Variants in PDE1A observed in about 807,000 individuals in gnomAD.
PDE1A encodes dual specificity calcium/calmodulin-dependent 3',5'-cyclic nucleotide phosphodiesterase 1A.
A neutral mutation model predicts 61.7 loss-of-function variants in PDE1A; 35 were observed. That is an observed-to-expected ratio of 0.57 (90% CI 0.43 to 0.75). The LOEUF (loss-of-function observed/expected upper bound fraction) is 0.75. PDE1A is among the 30% of genes least tolerant of loss of function. The probability of loss-of-function intolerance (pLI) is 0.00; values close to 1 mark genes in which losing one functional copy is unlikely to be tolerated. For missense variants in PDE1A, 597 were observed against 630.6 expected (o/e 0.95, Z 0.57); for synonymous variants, 232 against 213.2 (o/e 1.09, Z -0.77).
chr2:182,548,929 G>T, the PDE1A span, among the ~76,000 whole-genome samples: 1 of 152,176 alleles, frequency 6.6e-6, no homozygotes, highest in Non-Finnish European at 1.5e-5. Context: ...ATCACAATTT[G>T]TAAGACTAAC....
chr2:182,598,147 G>T, the PDE1A span, among the ~76,000 whole-genome samples: 1 of 152,174 alleles, frequency 6.6e-6, no homozygotes, highest in Non-Finnish European at 1.5e-5. Flanking sequence ...CAGAAACATA[G>T]CCCAGAAATT....
intron 13 of PDE1A, among the ~76,000 whole-genome samples, chr2:182,148,045 G>C (rs1048500208): frequency 6.6e-6 from 1 of 152,104 alleles, no homozygotes; most frequent in East Asian, 1.9e-4. Context: ...TTGTCTTTAC[G>C]ATATGGAGGG....
chr2:182,504,213 C>T (rs1488346258), intron 2 of PDE1A, among the ~76,000 whole-genome samples: 1 of 152,110 alleles, frequency 6.6e-6, no homozygotes, highest in Non-Finnish European at 1.5e-5. Flanking sequence ...TCATTCTTTG[C>T]TTTTACTGTG....
At chr2:182,694,415 G>A in the PDE1A span, among the ~76,000 whole-genome samples, 1 of 152,118 alleles carries the variant, frequency 6.6e-6, no homozygotes, top group African/African-American at 2.4e-5. Context: ...GTGAGTTTGC[G>A]CTGCACTTGA....
intron 2 of PDE1A, among the ~76,000 whole-genome samples, chr2:182,498,554 A>T (rs1688864647): frequency 6.6e-6 from 1 of 152,144 alleles, no homozygotes; most frequent in Non-Finnish European, 1.5e-5. Flanking sequence ...TTATCAAATT[A>T]AAAAAATGAA....
intron 7 of PDE1A, among the ~76,000 whole-genome samples, chr2:182,208,314 C>T (rs541630871): frequency 6.6e-6 from 1 of 152,154 alleles, no homozygotes; most frequent in East Asian, 1.9e-4. Context: ...TGATGGAAGG[C>T]AAAGGGGGAA....
At chr2:182,313,038 T>G (rs1454039353) in intron 1 of PDE1A, among the ~76,000 whole-genome samples, 1 of 152,226 alleles carries the variant, frequency 6.6e-6, no homozygotes, top group Non-Finnish European at 1.5e-5. Flanking sequence ...ACTCTAAAAA[T>G]TTTCAGAATA....
chr2:182,241,766 A>G (rs1690530742), intron 2 of PDE1A: 1 of 1,324,234 alleles, frequency 7.6e-7, no homozygotes, highest in African/African-American at 1.5e-5. Flanking sequence ...GATAAAAAAT[A>G]TTTAGAGTTG....
intron 3 of PDE1A, among the ~76,000 whole-genome samples, chr2:182,238,404 AT>A (rs1251597956): frequency 1.3e-5 from 2 of 152,086 alleles, no homozygotes; most frequent in African/African-American, 4.8e-5. Flanking sequence ...TTACTGTCGT[AT>A]TTCTGAAGGC....
the PDE1A span, among the ~76,000 whole-genome samples, chr2:182,652,716 C>T: frequency 6.6e-6 from 1 of 152,166 alleles, no homozygotes; most frequent in Non-Finnish European, 1.5e-5. Context: ...TCATATACAA[C>T]AGTTACAGGT....
chr2:182,393,643 T>C (rs957134181), intron 1 of PDE1A, among the ~76,000 whole-genome samples: 1 of 152,192 alleles, frequency 6.6e-6, no homozygotes, highest in Non-Finnish European at 1.5e-5. Flanking sequence ...CATATTTTTG[T>C]GAATAAAAAA....
chr2:182,235,212 G>A (rs532170522), intron 3 of PDE1A, among the ~76,000 whole-genome samples: 189 of 152,248 alleles, frequency 1.2e-3, no homozygotes, highest in Non-Finnish European at 1.9e-3. Flanking sequence ...GGTGTGATCT[G>A]TGCTCAATGC....
intron 2 of PDE1A, among the ~76,000 whole-genome samples, chr2:182,242,889 T>A (rs909968444): frequency 7.6e-6 from 1 of 132,252 alleles, no homozygotes; most frequent in East Asian, 2.2e-4. Flanking sequence ...CCTCCCTCTC[T>A]CTCTCTCTCC....
chr2:182,367,711 C>T (rs1416116098), intron 1 of PDE1A, among the ~76,000 whole-genome samples: 2 of 152,008 alleles, frequency 1.3e-5, no homozygotes, highest in Non-Finnish European at 2.9e-5. Context: ...GTACCTAATA[C>T]TTTAAAAAAT....
At chr2:182,609,102 G>A in the PDE1A span, among the ~76,000 whole-genome samples, 174 of 152,226 alleles carry the variant, frequency 1.1e-3, 1 homozygote, top group African/African-American at 3.8e-3. Flanking sequence ...CTAGCTCAAG[G>A]TTTGTAAATG....
intron 13 of PDE1A, among the ~76,000 whole-genome samples, chr2:182,155,037 T>A (rs1280776884): frequency 2.0e-5 from 3 of 150,906 alleles, no homozygotes; most frequent in Non-Finnish European, 4.4e-5. Context: ...CTTTTTTTTT[T>A]AATGGGCCCA....
the PDE1A span, among the ~76,000 whole-genome samples, chr2:182,657,460 A>G: frequency 6.6e-6 from 1 of 152,196 alleles, no homozygotes; most frequent in Non-Finnish European, 1.5e-5. Context: ...TATATAAAAA[A>G]TACTTGCCAG....
intron 13 of PDE1A, among the ~76,000 whole-genome samples, chr2:182,150,381 G>A (rs562331360): frequency 7.9e-5 from 12 of 152,200 alleles, no homozygotes; most frequent in Admixed American, 1.3e-4. Flanking sequence ...AAGTCAAGAC[G>A]GTTGGCTTTT....
Position 182,246,401 on chromosome 2 carries a change from C to CTTTTTTTTTTTTTTTTTTT in PDE1A, c.168-6110_168-6109insAAAAAAAAAAAAAAAAAAA, listed in dbSNP as rs761118177. Among the ~76,000 whole-genome samples, 6 of 61,514 alleles carry CTTTTTTTTTTTTTTTTTTT rather than the reference C, an allele frequency of 9.8e-5. 2 individuals carry two copies. The highest frequency in any genetic ancestry group is 1.6e-4 in the Admixed American group (1 of 6,112). The allele number at this position is 61,514 out of a possible 152,430, so 40.4% of individuals were successfully genotyped here. A position where few individuals can be genotyped will look rare whatever the true frequency, so the allele number is the denominator to read the frequency against. ...TCTACTATAGTCTTTTTTCTTTTTT[C>CTTTTTTTTTTTTTTTTTTT]TTTCTTTTTTTTTTTTTTTTTTGAC... On this transcript the variant is annotated intron_variant, in intron 2 of 13. Coordinates refer to ENST00000351439, the Ensembl canonical transcript of PDE1A.
Sources: gnomAD v4.1 joint callset for allele counts (sites outside exome capture counted in the v4.1 genomes callset) on GRCh38, gnomAD v4.1.1 for gene constraint, MANE v1.5 for transcripts, NCBI Gene and HGNC (gene_info 2026-07-23, HGNC 2026-07-21) for gene names.